ADH1C: variants seen among roughly 807,000 people sequenced by gnomAD.
The protein encoded by ADH1C is alcohol dehydrogenase 1C (class I), gamma polypeptide.
In ADH1C, 26 loss-of-function variants were observed where a neutral mutation model predicts 35.0. The observed-to-expected ratio is 0.74, with a 90% CI of 0.54 to 1.03. ADH1C has a LOEUF of 1.03. Among genes scored for constraint, ADH1C ranks in the 50% least tolerant of loss-of-function variants. The pLI is 0.00. For synonymous variants in ADH1C, 170 were observed against 169.3 expected (o/e 1.00, Z -0.03); for missense variants, 413 against 465.4 (o/e 0.89, Z 1.04).
At position 99,339,699 on chromosome 4, in the gene ADH1C, T is replaced by A; in HGVS notation, c.981A>T (p.Glu327Asp). The A allele has an allele frequency of 6.2e-7, 1 of 1,611,666 alleles. No individual in the cohort carries two copies. The highest frequency in any genetic ancestry group is 1.1e-5 in the South Asian group (1 of 90,322). ...GAIFGGFKSK[E>D]SVPKLVADFM... ...AGTCAGCCACAAGTTTGGGGACAGA[T>A]TCTTTACTCTTAAAGCCTGAAAAGA... The change falls in exon 8 of 9, where the codon GAA (glutamate) becomes GAT (aspartate). Residue 327 changes from glutamate (E) to aspartate (D), a missense_variant. Coordinates refer to ENST00000515683, the MANE Select transcript of ADH1C (RefSeq NM_000669.5).
At chr4:99,339,521 C>A (rs55913950) in intron 8 of ADH1C, 56 bp downstream of exon 8, 84 of 1,156,840 alleles carry the variant, frequency 7.3e-5, no homozygotes, top group Middle Eastern at 4.9e-4. Flanking sequence ...CGCCCCCCCC[C>A]CCCCCGCCGC....
intron 8 of ADH1C, 67 bp downstream of exon 8, chr4:99,339,510 A>G: frequency 3.4e-6 from 3 of 894,316 alleles, no homozygotes; most frequent in Non-Finnish European, 4.5e-6. Context: ...CTGCTAGACA[A>G]CGCCCCCCCC....
rs1422281589 is a variant in ADH1C at position 99,345,064 on chromosome 4, C to A, written c.365G>T (p.Gly122Val). The A allele has an allele frequency of 5.6e-6, 9 of 1,614,060 alleles. No homozygotes were observed. Among genetic ancestry groups the A allele is most frequent in the Admixed American group, 5.0e-5 (3 of 60,014 alleles). Residue 122 changes from glycine to valine, a missense_variant, in exon 5 of 9, where the codon GGG (glycine) becomes GTG (valine). Coordinates refer to ENST00000515683, the MANE Select transcript of ADH1C (RefSeq NM_000669.5). ...CCTCCTGGTGCCATCCTGCAGGGTC[C>A]CCCGAGGATTGCCTAGACTGGGCAG... ...CLKNDLGNPR[G>V]TLQDGTRRFT...
intron 3 of ADH1C, among the ~76,000 whole-genome samples, chr4:99,346,098 T>C (rs544333023): frequency 2.0e-5 from 3 of 152,250 alleles, no homozygotes; most frequent in African/African-American, 7.2e-5. Context: ...ACAGTCTAAA[T>C]TAGTACTTGG....
At chr4:99,347,876 G>C (rs1222384769) in intron 1 of ADH1C, 30 bp from the exon 2 acceptor site, 1 of 1,611,520 alleles carries the variant, frequency 6.2e-7, no homozygotes, top group Admixed American at 1.7e-5. Context: ...GATGGTACCA[G>C]TGTTTTCCCA....
At chr4:99,347,168 T>C (rs552443099) in intron 2 of ADH1C, 24 bp from the exon 3 acceptor site, 1 of 1,604,818 alleles carries the variant, frequency 6.2e-7, no homozygotes, top group Admixed American at 1.8e-5. Flanking sequence ...AGAAGATGTT[T>C]AGATTCAGAA....
Position 99,342,814 on chromosome 4 carries a change from A to G in ADH1C, c.809T>C (p.Ile270Thr). The G allele has an allele frequency of 6.2e-7, 1 of 1,614,008 alleles. No individual in the cohort carries two copies. Among genetic ancestry groups the G allele is most frequent in the Non-Finnish European group, 8.5e-7 (1 of 1,179,876 alleles). The change falls in exon 6 of 9, where the codon ATC becomes ACC. Residue 270 changes from isoleucine to threonine, a missense_variant. By Grantham distance (89) the Ile-to-Thr change is moderately conservative. Coordinates refer to ENST00000515683, the MANE Select transcript of ADH1C (RefSeq NM_000669.5). ...TCATACCATGGTGTCAAGCCGACCG[A>G]TGACTTCAAACGAAAAATCCACACC... ...DGGVDFSFEV[I>T]GRLDTMMASL...
At chr4:99,352,355 C>T (rs1453823956) in intron 1 of ADH1C, among the ~76,000 whole-genome samples, 1 of 152,062 alleles carries the variant, frequency 6.6e-6, no homozygotes, top group Admixed American at 6.6e-5. Context: ...TAAACTATCA[C>T]TTTACGGCAA....
intron 5 of ADH1C, among the ~76,000 whole-genome samples, chr4:99,343,637 C>T (rs1247544720): frequency 2.0e-5 from 3 of 152,256 alleles, no homozygotes; most frequent in Non-Finnish European, 4.4e-5. Flanking sequence ...TTAAAAAATA[C>T]ACTTGTGAAC....
At chr4:99,348,276 C>A (rs1302456496) in intron 1 of ADH1C, among the ~76,000 whole-genome samples, 4 of 116,088 alleles carry the variant, frequency 3.4e-5, no homozygotes, top group Non-Finnish European at 6.9e-5. Context: ...TCCCTCCCCC[C>A]TCCCCCCACC....
chr4:99,345,320 G>A (rs1734507572), intron 3 of ADH1C, 54 bp from the exon 4 acceptor site: 12 of 1,505,652 alleles, frequency 8.0e-6, no homozygotes, highest in South Asian at 4.7e-5. Context: ...AATTAATAGA[G>A]CAAAAACTTA....
At chr4:99,352,394 T>C (rs1325605681) in intron 1 of ADH1C, among the ~76,000 whole-genome samples, 2 of 152,158 alleles carry the variant, frequency 1.3e-5, no homozygotes, top group Non-Finnish European at 2.9e-5. Flanking sequence ...ATAAAGACAA[T>C]AGATACAGAT....
intron 8 of ADH1C, 35 bp downstream of exon 8, chr4:99,339,542 T>C: frequency 8.7e-7 from 1 of 1,149,690 alleles, no homozygotes; most frequent in Non-Finnish European, 1.2e-6. Context: ...TACTGTAGAA[T>C]ACAAAGCAAA....
chr4:99,340,608 T>A lies in ADH1C; in HGVS notation c.931A>T (p.Thr311Ser). ...ATAGCTCCTTTCCACGTGCGTCCAG[T>A]CAGTAGCAGCATAGGGTTTATTGAG... ...NLSINPMLLL[T>S]GRTWKGAIFG... is the part of the protein sequence containing the mutation. Residue 311 changes from threonine (T) to serine (S), a missense_variant, in exon 7 of 9, where the codon ACT (threonine) becomes TCT (serine). By Grantham distance (58) the Thr-to-Ser change is moderately conservative. Transcript: ENST00000515683. 1 of 1,614,090 alleles carries A rather than the reference T, an allele frequency of 6.2e-7. No individual in the cohort carries two copies.
intron 6 of ADH1C, among the ~76,000 whole-genome samples, chr4:99,341,986 T>G (rs1486649776): frequency 1.4e-5 from 2 of 147,776 alleles, no homozygotes. Flanking sequence ...CACTCCAGCC[T>G]GGTGACAGAG....
At chr4:99,345,670 T>C (rs1693427) in intron 3 of ADH1C, among the ~76,000 whole-genome samples, 47,465 of 152,128 alleles carry the variant, frequency 0.31, 8,839 homozygotes, top group Non-Finnish European at 0.41. Context: ...ATTTTAGTCC[T>C]AGTAGATGTT....
Position 99,336,863 on chromosome 4 carries a change from T to C in ADH1C, c.1104-87A>G, listed in dbSNP as rs1248866213. Reference sequence around the variant, plus strand: ...TAGTCCAAGGAGTATTTGAGGTGACTTAGTGAAAATCTCTCTGTGTTCTCA... The same window carrying C: ...TAGTCCAAGGAGTATTTGAGGTGACCTAGTGAAAATCTCTCTGTGTTCTCA... On this transcript the variant is annotated intron_variant, in intron 8 of 8. Coordinates refer to ENST00000515683, the MANE Select transcript of ADH1C (RefSeq NM_000669.5). The C allele has an allele frequency of 6.4e-6, 10 of 1,572,082 alleles. No homozygotes were observed. The East Asian group carries it at 2.0e-4, about 32-fold the overall frequency.
At chr4:99,349,437 A>G (rs564079582) in intron 1 of ADH1C, among the ~76,000 whole-genome samples, 79 of 152,266 alleles carry the variant, frequency 5.2e-4, no homozygotes, top group Middle Eastern at 3.4e-3. Context: ...TGTCCTGAAG[A>G]CAACTGTTTA....
At chr4:99,345,692 G>A (rs1018965173) in intron 3 of ADH1C, among the ~76,000 whole-genome samples, 2 of 152,170 alleles carry the variant, frequency 1.3e-5, no homozygotes, top group African/African-American at 4.8e-5. Context: ...GGAAGATCTG[G>A]TATTTTGTAA....
Sources: gnomAD v4.1 joint callset for allele counts (sites outside exome capture counted in the v4.1 genomes callset) on GRCh38, gnomAD v4.1.1 for gene constraint, MANE v1.5 for transcripts, NCBI Gene and HGNC (gene_info 2026-07-23, HGNC 2026-07-21) for gene names.